Variants in LRRTM4 observed in about 807,000 individuals in gnomAD.
LRRTM4 encodes the protein leucine-rich repeat transmembrane neuronal protein 4.
A neutral mutation model predicts 47.6 loss-of-function variants in LRRTM4; 25 were observed. That is an observed-to-expected ratio of 0.53 (90% CI 0.38 to 0.73). The LOEUF is 0.73. Among genes scored for constraint, LRRTM4 ranks in the 30% least tolerant of loss-of-function variants. LRRTM4 has a pLI of 0.00. For missense variants in LRRTM4, 638 were observed against 713.4 expected, an observed-to-expected ratio of 0.89 and a Z score of 1.20; for synonymous variants, 311 against 269.5, an observed-to-expected ratio of 1.15 and a Z score of -1.51.
chr2:76,841,816 G>C (rs1221585983), intron 3 of LRRTM4, among the ~76,000 whole-genome samples: 2 of 151,960 alleles, frequency 1.3e-5, no homozygotes, highest in Non-Finnish European at 2.9e-5. Flanking sequence ...AACTATACTA[G>C]AAACTGAAGA....
rs890430809 is a variant in LRRTM4 at position 76,924,701 on chromosome 2, C to T, written c.1552-175785G>A. ...TGCATGATTTCATCTGTGAGAAACA[C>T]TAGCTGAATGCAGAAAATTGCACCC... On this transcript the variant is annotated intron_variant, in intron 3 of 3. Coordinates refer to ENST00000409884, the MANE Select transcript of LRRTM4 (RefSeq NM_001134745.3). 2.6e-5 allele frequency among the ~76,000 whole-genome samples: 4 copies of T among 151,930 alleles called. No homozygotes were observed. The South Asian group carries it at 6.2e-4, about 24-fold the overall frequency.
At chr2:76,958,448 G>A (rs1011572168) in intron 3 of LRRTM4, among the ~76,000 whole-genome samples, 8 of 151,738 alleles carry the variant, frequency 5.3e-5, no homozygotes, top group Non-Finnish European at 7.4e-5. Flanking sequence ...AAACACCTAC[G>A]CTGATATTGC....
At chr2:76,942,118 G>C (rs113396282) in intron 3 of LRRTM4, among the ~76,000 whole-genome samples, 1 of 152,140 alleles carries the variant, frequency 6.6e-6, no homozygotes, top group African/African-American at 2.4e-5. Context: ...CTTCTTTTGA[G>C]AAGTGTCTGT....
intron 3 of LRRTM4, among the ~76,000 whole-genome samples, chr2:76,846,030 T>C (rs946180636): frequency 3.0e-4 from 46 of 152,030 alleles, no homozygotes; most frequent in Admixed American, 1.5e-3. Context: ...ATAAAACCCA[T>C]GTAATTGGAG....
chr2:77,002,830 CCATCAATACTCTT>C (rs1363362256), intron 3 of LRRTM4, among the ~76,000 whole-genome samples: 2 of 152,134 alleles, frequency 1.3e-5, no homozygotes, highest in Non-Finnish European at 2.9e-5. Context: ...TCTACCTCTC[CCATCAATACTCTT>C]CATCACATTG....
At chr2:77,313,325 C>T (rs1162216442) in intron 3 of LRRTM4, among the ~76,000 whole-genome samples, 2 of 148,548 alleles carry the variant, frequency 1.3e-5, no homozygotes, top group Admixed American at 1.3e-4. Flanking sequence ...GATGTGCCCC[C>T]CTACCTTTTC....
chr2:77,037,978 C>T (rs145046700), intron 3 of LRRTM4, among the ~76,000 whole-genome samples: 24 of 151,764 alleles, frequency 1.6e-4, no homozygotes, highest in African/African-American at 5.5e-4. Flanking sequence ...CAAGCTCACA[C>T]ACTTTGCTGA....
chr2:77,274,243 A>T (rs940832480), intron 3 of LRRTM4, among the ~76,000 whole-genome samples: 10 of 152,148 alleles, frequency 6.6e-5, no homozygotes, highest in Admixed American at 1.3e-4. Context: ...CCAATAATTT[A>T]TCACGAAAAG....
At chr2:77,003,417 C>G (rs767109339) in intron 3 of LRRTM4, among the ~76,000 whole-genome samples, 1 of 151,998 alleles carries the variant, frequency 6.6e-6, no homozygotes, top group Non-Finnish European at 1.5e-5. Context: ...TAGGAGGGAC[C>G]TGGTGGGAGG....
At chr2:77,463,723 G>A (rs1676876019) in intron 3 of LRRTM4, among the ~76,000 whole-genome samples, 1 of 152,026 alleles carries the variant, frequency 6.6e-6, no homozygotes, top group South Asian at 2.1e-4. Context: ...TAGAATATGA[G>A]TAATGAAAGT....
chr2:77,425,016 A>G (rs1240973088), intron 3 of LRRTM4, among the ~76,000 whole-genome samples: 1 of 152,216 alleles, frequency 6.6e-6, no homozygotes, highest in Non-Finnish European at 1.5e-5. Flanking sequence ...CTTGAGGATG[A>G]TTAAGCATGG....
chr2:77,477,339 T>G (rs555025790), intron 3 of LRRTM4, among the ~76,000 whole-genome samples: 1 of 152,224 alleles, frequency 6.6e-6, no homozygotes, highest in South Asian at 2.1e-4. Context: ...TCAGAAATAC[T>G]CTCATGCTGG....
Position 76,931,319 on chromosome 2 carries a change from A to C in LRRTM4, c.1552-182403T>G, listed in dbSNP as rs193104898. On this transcript the variant is annotated intron_variant, in intron 3 of 3. Coordinates refer to ENST00000409884, the MANE Select transcript of LRRTM4 (RefSeq NM_001134745.3). ...TATATTAATGCATATTAGCAAAAAT[A>C]CTCATGACTATCAACATTATGTGAA... Among the ~76,000 whole-genome samples the C allele has an allele frequency of 1.9e-3, 288 of 152,352 alleles. 1 individual carries two copies. The highest frequency in any genetic ancestry group is 3.6e-3 in the Non-Finnish European group (243 of 68,040).
rs17333122 is a variant in LRRTM4, at chr2:76,821,972, G to T, written c.1552-73056C>A. On this transcript the variant is annotated intron_variant, in intron 3 of 3. Coordinates refer to ENST00000409884, the MANE Select transcript of LRRTM4 (RefSeq NM_001134745.3). ...ACTTCTTTAGAGGGATACTAAGAAA[G>T]TTAATCTATGTTTGTTTTGGAAAAT... Among the ~76,000 whole-genome samples the T allele has an allele frequency of 4.6e-3, 698 of 151,612 alleles. 2 individuals are homozygous for T. The highest frequency in any genetic ancestry group is 8.1e-3 in the Non-Finnish European group (548 of 67,670).
At chr2:76,948,839 C>T (rs1010541304) in intron 3 of LRRTM4, among the ~76,000 whole-genome samples, 10 of 151,672 alleles carry the variant, frequency 6.6e-5, no homozygotes, top group Admixed American at 1.3e-4. Context: ...ATTTGGGGCT[C>T]ATAATAATGC....
chr2:77,103,673 A>ATATATATATATATATC (rs1671020692), intron 3 of LRRTM4, among the ~76,000 whole-genome samples: 1 of 147,860 alleles, frequency 6.8e-6, no homozygotes, highest in South Asian at 2.1e-4. Context: ...AGATATATAT[A>ATATATATATATATATC]TCACATATAT....
At chr2:77,424,846 T>G (rs765612637) in intron 3 of LRRTM4, among the ~76,000 whole-genome samples, 1 of 152,334 alleles carries the variant, frequency 6.6e-6, no homozygotes, top group Non-Finnish European at 1.5e-5. Context: ...GGGATCCTTA[T>G]AGATGACAAA....
At chr2:76,812,710 TTCTTTTTCTTTC>T (rs1347505544) in intron 3 of LRRTM4, among the ~76,000 whole-genome samples, 1 of 151,110 alleles carries the variant, frequency 6.6e-6, no homozygotes, top group African/African-American at 2.4e-5. Flanking sequence ...CTTTCTTTAT[TTCTTTTTCTTTC>T]TCTTTTTCTC....
At chr2:77,423,594 T>C (rs1014167528) in intron 3 of LRRTM4, among the ~76,000 whole-genome samples, 15 of 152,152 alleles carry the variant, frequency 9.9e-5, no homozygotes, top group Admixed American at 2.6e-4. Flanking sequence ...ATGGTCATGA[T>C]TGGTTGCTGA....
Sources: allele counts gnomAD v4.1 joint callset (sites outside exome capture counted in the v4.1 genomes callset), GRCh38; gene constraint gnomAD v4.1.1; transcripts MANE v1.5; gene names NCBI Gene and HGNC (gene_info 2026-07-23, HGNC 2026-07-21).